Variants in TMCO6 observed in about 807,000 individuals in gnomAD.
TMCO6 encodes the protein transmembrane and coiled-coil domains 6.
TMCO6 carries 47 observed loss-of-function variants against 61.8 expected under a neutral mutation model. The ratio of observed to expected loss-of-function variants is 0.76; its 90% CI spans 0.60 to 0.97. The LOEUF is 0.97. Ranked by LOEUF, TMCO6 falls within the 50% of genes least tolerant of loss-of-function variation. The probability of loss-of-function intolerance (pLI) is 0.00; values close to 1 mark genes in which losing one functional copy is unlikely to be tolerated. For missense variants in TMCO6, 557 were observed against 601.6 expected (o/e 0.93, Z 0.78); for synonymous variants, 261 against 254.2 (o/e 1.03, Z -0.25).
chr5:140,621,912 A>G, the TMCO6 span, among the ~76,000 whole-genome samples: 4 of 152,184 alleles, frequency 2.6e-5, no homozygotes, highest in African/African-American at 9.7e-5. Context: ...TTTTGGTCAG[A>G]CTGGTTGATC....
At chr5:140,647,594 A>G (rs770245226), downstream of TMCO6, 2 of 1,608,480 alleles carry the variant, frequency 1.2e-6, no homozygotes, top group Admixed American at 1.7e-5. Context: ...CCTTGTTAAT[A>G]TCGAAGTCGC....
chr5:140,627,561 T>G, the TMCO6 span, among the ~76,000 whole-genome samples: 4 of 152,196 alleles, frequency 2.6e-5, no homozygotes, highest in African/African-American at 4.8e-5. Context: ...TAAAAGGCAT[T>G]AAAGTTTTAA....
the TMCO6 span, among the ~76,000 whole-genome samples, chr5:140,616,861 CATG>C: frequency 1.9e-5 from 2 of 103,214 alleles, no homozygotes; most frequent in South Asian, 5.6e-4. Context: ...GCCTGGGTAA[CATG>C]ATGAACTCTA....
chr5:140,597,412 T>C, the TMCO6 span, among the ~76,000 whole-genome samples: 6 of 152,318 alleles, frequency 3.9e-5, no homozygotes, highest in African/African-American at 1.4e-4. Flanking sequence ...CACCCAGGTG[T>C]GCAGGCTTCC....
chr5:140,642,881 G>A, intron 6 of TMCO6, 44 bp from the exon 7 acceptor site: 1 of 1,613,972 alleles, frequency 6.2e-7, no homozygotes. Flanking sequence ...AAGAACCACT[G>A]GCATCTTCGT....
downstream of TMCO6, chr5:140,645,742 A>G (rs1457339105): frequency 2.5e-6 from 4 of 1,611,388 alleles, no homozygotes; most frequent in Non-Finnish European, 3.4e-6. Context: ...AAGTAAAATA[A>G]AAGATCTTTG....
chr5:140,609,307 GA>G, the TMCO6 span: 4 of 199,212 alleles, frequency 2.0e-5, no homozygotes, highest in South Asian at 8.5e-5. Context: ...AGTTCATCAA[GA>G]AAAGGGTGGG....
At chr5:140,600,833 A>T in the TMCO6 span, among the ~76,000 whole-genome samples, 2 of 152,180 alleles carry the variant, frequency 1.3e-5, no homozygotes, top group African/African-American at 4.8e-5. Context: ...GTCAGATACA[A>T]TATCCCCATA....
At chr5:140,639,985 C>A in intron 2 of TMCO6, 134 bp downstream of exon 2, 2 of 705,414 alleles carry the variant, frequency 2.8e-6, no homozygotes, top group Admixed American at 2.4e-5. Context: ...AAGCCAGAAA[C>A]AGGGGAATCA....
upstream of TMCO6, among the ~76,000 whole-genome samples, chr5:140,637,906 TTC>T (rs1396312292): frequency 6.6e-6 from 1 of 152,060 alleles, no homozygotes; most frequent in Non-Finnish European, 1.5e-5. Flanking sequence ...ACCAATGTCT[TTC>T]TCTCTTTCCC....
At chr5:140,609,449 A>G in the TMCO6 span, 1 of 183,132 alleles carries the variant, frequency 5.5e-6, no homozygotes, top group South Asian at 9.0e-5. Flanking sequence ...TTTATTATGG[A>G]ACTTGTGGTC....
At chr5:140,599,163 T>C in the TMCO6 span, among the ~76,000 whole-genome samples, 48,471 of 152,102 alleles carry the variant, frequency 0.32, 8,074 homozygotes, top group African/African-American at 0.38. Context: ...AAGAGGAATA[T>C]GTCTAGATCT....
At chr5:140,632,372 A>T in the TMCO6 span, 4 of 1,614,152 alleles carry the variant, frequency 2.5e-6, no homozygotes, top group Non-Finnish European at 3.4e-6. This position sits in a 1 kb window ranked among gnomAD's most constrained non-coding sequence, Gnocchi z 6.2. Context: ...CCAGTCCAGG[A>T]TTGTCAGACA....
the TMCO6 span, chr5:140,632,529 A>G: frequency 1.2e-6 from 2 of 1,614,190 alleles, no homozygotes; most frequent in East Asian, 4.5e-5. The surrounding 1 kb of genome is among the most constrained non-coding windows in gnomAD (Gnocchi z 6.2). Flanking sequence ...CGCCCACGAC[A>G]CGTTGCGTAG....
chr5:140,613,528 G>A, the TMCO6 span, among the ~76,000 whole-genome samples: 1 of 151,718 alleles, frequency 6.6e-6, no homozygotes, highest in East Asian at 1.9e-4. Flanking sequence ...TTCCAGCAGA[G>A]TGAGACTACA....
chr5:140,625,670 AG>A, the TMCO6 span, among the ~76,000 whole-genome samples: 2 of 152,236 alleles, frequency 1.3e-5, no homozygotes, highest in African/African-American at 2.4e-5. Flanking sequence ...CTTTAAGAGC[AG>A]GAACTTTTGT....
upstream of TMCO6, among the ~76,000 whole-genome samples, chr5:140,638,367 T>C (rs966304748): frequency 4.6e-5 from 7 of 152,246 alleles, no homozygotes; most frequent in South Asian, 1.2e-3. Context: ...GAAAGGAATG[T>C]GAGCTGGTAC....
At chr5:140,647,634 G>T (rs886060016), downstream of TMCO6, 47 of 1,587,036 alleles carry the variant, frequency 3.0e-5, no homozygotes, top group Admixed American at 8.7e-5. Flanking sequence ...CAAGTGCTCC[G>T]GTCTGACCAA....
chr5:140,645,779 G>C (rs374500330), downstream of TMCO6: 37 of 1,555,286 alleles, frequency 2.4e-5, no homozygotes, highest in African/African-American at 3.1e-4. Context: ...GTTAAGACAG[G>C]AAGAGTATTA....
Sources: allele counts gnomAD v4.1 joint callset (sites outside exome capture counted in the v4.1 genomes callset), GRCh38; gene constraint gnomAD v4.1.1; non-coding constraint Gnocchi (gnomAD v3.1); transcripts MANE v1.5; gene names NCBI Gene and HGNC (gene_info 2026-07-23, HGNC 2026-07-21).